MTMR8: variants seen among roughly 807,000 people sequenced by gnomAD.
The protein encoded by MTMR8 is myotubularin related protein 8.
In MTMR8, 65 loss-of-function variants were observed where a neutral mutation model predicts 39.3. That is an observed-to-expected ratio of 1.65 (90% CI 1.35 to 2.03). The LOEUF (loss-of-function observed/expected upper bound fraction) is 2.03, where lower values mean the gene tolerates loss of function less well. Among genes scored for constraint, MTMR8 ranks in the 30% most tolerant of loss-of-function variants. The probability of loss-of-function intolerance (pLI) is 0.00; values close to 1 mark genes in which losing one functional copy is unlikely to be tolerated. For missense variants in MTMR8, 777 were observed against 538.9 expected, an observed-to-expected ratio of 1.44 and a Z score of -4.37; for synonymous variants, 245 against 185.2, an observed-to-expected ratio of 1.32 and a Z score of -2.62.
chrX:64,295,155 C>T (rs1023969779), intron 12 of MTMR8, among the ~76,000 whole-genome samples: 1 of 109,864 alleles, frequency 9.1e-6, no homozygotes, highest in African/African-American at 3.3e-5. Context: ...ACCTGAGCAA[C>T]GAGGTACTAG....
intron 1 of MTMR8, among the ~76,000 whole-genome samples, chrX:64,366,241 T>C (rs778848476): frequency 5.4e-5 from 6 of 111,476 alleles, no homozygotes; most frequent in African/African-American, 2.0e-4. Context: ...GAACTCAGGT[T>C]GGCACCAAGC....
Position 64,273,174 on chromosome X carries a change from T to A in MTMR8, c.1482-2101A>T, listed in dbSNP as rs368730989. ...AAACTAATAAAGAATACTATATTAC[T>A]GTAATGGTTGTGGGTAAATCACTTT... On this transcript the variant is annotated intron_variant, in intron 12 of 13. Coordinates refer to ENST00000374852, the MANE Select transcript of MTMR8 (RefSeq NM_017677.4). Among the ~76,000 whole-genome samples, 3 of 111,948 alleles carry A rather than the reference T, an allele frequency of 2.7e-5. No individual in the cohort carries two copies. The East Asian group carries it at 8.4e-4, about 31-fold the overall frequency.
intron 12 of MTMR8, among the ~76,000 whole-genome samples, chrX:64,288,530 A>G (rs1002170099): frequency 2.7e-5 from 3 of 111,898 alleles, no homozygotes; most frequent in Non-Finnish European, 5.6e-5. Context: ...ATATACCCAA[A>G]GGAATATAAA....
At chrX:64,378,521 T>A (rs906665155) in intron 1 of MTMR8, among the ~76,000 whole-genome samples, 5 of 112,479 alleles carry the variant, frequency 4.4e-5, no homozygotes, top group African/African-American at 1.6e-4. Flanking sequence ...GTGACCAGCC[T>A]GACACTTGAA....
At chrX:64,347,516 T>C (rs1457040742) in intron 6 of MTMR8, among the ~76,000 whole-genome samples, 3 of 111,570 alleles carry the variant, frequency 2.7e-5, no homozygotes, top group African/African-American at 9.8e-5. Context: ...CTCTGGAGAA[T>C]AGCCACTGAG....
At chrX:64,392,730 A>C in intron 1 of MTMR8, among the ~76,000 whole-genome samples, 1 of 111,359 alleles carries the variant, frequency 9.0e-6, no homozygotes, top group East Asian at 2.8e-4. Flanking sequence ...TAATTTTTTA[A>C]AGTCTTCCTG....
At chrX:64,294,270 C>T (rs1327198646) in intron 12 of MTMR8, among the ~76,000 whole-genome samples, 1 of 111,569 alleles carries the variant, frequency 9.0e-6, no homozygotes, top group Non-Finnish European at 1.9e-5. Flanking sequence ...TATAGACTTG[C>T]CTAACATGCT....
chrX:64,316,954 G>C (rs1188671605), intron 12 of MTMR8, among the ~76,000 whole-genome samples: 1 of 107,200 alleles, frequency 9.3e-6, no homozygotes, highest in African/African-American at 3.4e-5. Context: ...CTACTAAAAA[G>C]ACAAAAAGTT....
chrX:64,376,980 T>C (rs1013770137), intron 1 of MTMR8, among the ~76,000 whole-genome samples: 1 of 111,790 alleles, frequency 8.9e-6, no homozygotes, highest in African/African-American at 3.3e-5. Flanking sequence ...GAACCCCAGA[T>C]ACGTCTCAGG....
rs867817955 is a variant in MTMR8 at position 64,319,796 on chromosome X, G to C, written c.1481+8976C>G. On this transcript the variant is annotated intron_variant, in intron 12 of 13. Transcript: ENST00000374852. ...TTTGGTACCAGTACCATGCTGTTTT[G>C]GTTACTGTAGCCTTGTAATATAGTT... Among the ~76,000 whole-genome samples, 3 of 111,017 alleles carry C rather than the reference G, an allele frequency of 2.7e-5. No homozygotes were observed. In the Middle Eastern group the frequency reaches 0.014, roughly 534 times the overall value.
At chrX:64,335,333 T>C (rs767433026) in intron 10 of MTMR8, among the ~76,000 whole-genome samples, 1 of 111,291 alleles carries the variant, frequency 9.0e-6, no homozygotes, top group South Asian at 3.8e-4. Context: ...GGTTTCACCA[T>C]ATTGGCCAGG....
intron 12 of MTMR8, among the ~76,000 whole-genome samples, chrX:64,286,647 G>T (rs1415905081): frequency 8.9e-6 from 1 of 111,896 alleles, no homozygotes; most frequent in Non-Finnish European, 1.9e-5. Context: ...GGGATGCAAG[G>T]CTGGTTCAAT....
intron 1 of MTMR8, among the ~76,000 whole-genome samples, chrX:64,375,079 G>C (rs1271639354): frequency 9.3e-6 from 1 of 108,048 alleles, no homozygotes; most frequent in East Asian, 2.9e-4. Context: ...TGAAGGAAGG[G>C]CCAGCTGTGG....
intron 12 of MTMR8, among the ~76,000 whole-genome samples, chrX:64,319,057 T>A (rs898196076): frequency 3.6e-5 from 4 of 111,951 alleles, no homozygotes; most frequent in African/African-American, 1.3e-4. Flanking sequence ...GTAAACTACC[T>A]TCGCTTCACT....
intron 12 of MTMR8, among the ~76,000 whole-genome samples, chrX:64,283,427 A>T (rs1438439564): frequency 8.9e-6 from 1 of 112,195 alleles, no homozygotes; most frequent in Non-Finnish European, 1.9e-5. Flanking sequence ...AAGGCAGCAG[A>T]AACCTCTGCA....
intron 4 of MTMR8, among the ~76,000 whole-genome samples, chrX:64,350,435 G>A (rs1602142415): frequency 1.8e-5 from 2 of 111,430 alleles, no homozygotes; most frequent in Non-Finnish European, 3.8e-5. Flanking sequence ...GGTTTTATGT[G>A]TGTTTCTGTC....
intron 12 of MTMR8, among the ~76,000 whole-genome samples, chrX:64,307,731 A>C (rs1285379612): frequency 1.8e-5 from 2 of 112,068 alleles, no homozygotes; most frequent in African/African-American, 6.5e-5. Context: ...ATCTCCAAAA[A>C]AAATCTGCCT....
At chrX:64,301,077 G>A (rs1197828776) in intron 12 of MTMR8, among the ~76,000 whole-genome samples, 1 of 105,588 alleles carries the variant, frequency 9.5e-6, no homozygotes, top group African/African-American at 3.4e-5. Flanking sequence ...TTCTTGAGGA[G>A]TATCTTTGTG....
intron 2 of MTMR8, among the ~76,000 whole-genome samples, chrX:64,358,711 A>G (rs1379202771): frequency 9.0e-6 from 1 of 111,304 alleles, no homozygotes; most frequent in Non-Finnish European, 1.9e-5. Context: ...GCATAAATCT[A>G]ACTAATGATT....
Sources: gnomAD v4.1 joint callset for allele counts (sites outside exome capture counted in the v4.1 genomes callset) on GRCh38, gnomAD v4.1.1 for gene constraint, MANE v1.5 for transcripts, NCBI Gene and HGNC (gene_info 2026-07-23, HGNC 2026-07-21) for gene names.